SHMT2: variants seen among roughly 807,000 people sequenced by gnomAD.
SHMT2 encodes serine hydroxymethyltransferase 2, also known as serine hydroxymethyltransferase, mitochondrial.
In SHMT2, 38 loss-of-function variants were observed where a neutral mutation model predicts 59.6. The observed-to-expected ratio is 0.64, with a 90% CI of 0.49 to 0.84. The LOEUF is 0.84. SHMT2 is among the 40% of genes least tolerant of loss of function. The pLI is 0.00. For synonymous variants in SHMT2, 254 were observed against 258.1 expected, an observed-to-expected ratio of 0.98 and a Z score of 0.15; for missense variants, 533 against 659.5, an observed-to-expected ratio of 0.81 and a Z score of 2.10.
In SHMT2 at chr12:57,231,528, C is replaced by A. The variant is rs1261909751; in HGVS notation, c.279C>A (p.Asn93Lys). ...TGGAGGCCCTGGGGTCCTGTCTGAA[C>A]AACAAGTACTCGGAGGGTTATCCTG... ...AALEALGSCLNNKYSEGYPGK... is the reference protein window; with the variant it reads ...AALEALGSCLKNKYSEGYPGK... Residue 93 changes from asparagine to lysine, a missense_variant, in exon 3 of 12, where the codon AAC (asparagine) becomes AAA (lysine). Asn to Lys is a moderately conservative substitution (Grantham distance 94). Coordinates refer to ENST00000328923, the MANE Select transcript of SHMT2 (RefSeq NM_005412.6). The A allele has an allele frequency of 6.2e-7, 1 of 1,614,238 alleles. No individual in the cohort carries two copies. Among genetic ancestry groups the A allele is most frequent in the South Asian group, 1.1e-5 (1 of 91,088 alleles).
At chr12:57,232,334 G>A (rs1228519811) in intron 5 of SHMT2, 42 bp downstream of exon 5, 1 of 1,612,076 alleles carries the variant, frequency 6.2e-7, no homozygotes, top group Non-Finnish European at 8.5e-7. Context: ...TGGCCCTGGT[G>A]GTGGTCCTCC....
chr12:57,233,369 G>T, intron 8 of SHMT2, 24 bp downstream of exon 8: 1 of 1,570,960 alleles, frequency 6.4e-7, no homozygotes, highest in Admixed American at 1.9e-5. Flanking sequence ...TCTTTGTAGG[G>T]TGTGGGGGGG....
rs2037288592 is a variant in SHMT2 at position 57,230,916 on chromosome 12, G to A, written c.147G>A (p.Leu49=). ...GGGGCTGGACAGGCCAGGAGAGCCT[G>A]TCGGACAGTGATCCTGAGATGTGGG... ...ANRGWTGQES[L]SDSDPEMWEL... is the part of the protein sequence containing the mutation. Residue 49 remains leucine, a synonymous_variant, in exon 2 of 12, where the codon CTG becomes CTA. Transcript: ENST00000328923. The A allele has an allele frequency of 6.2e-7, 1 of 1,614,136 alleles. No individual in the cohort carries two copies. The highest frequency in any genetic ancestry group is 8.5e-7 in the Non-Finnish European group (1 of 1,180,026).
At chr12:57,230,298 A>G (rs920352176) in intron 1 of SHMT2, 5 of 1,152,388 alleles carry the variant, frequency 4.3e-6, no homozygotes, top group Non-Finnish European at 5.4e-6. Context: ...GCAGATCCCC[A>G]CCCCCACCAC....
At chr12:57,234,161 G>A (rs2037456066) in intron 11 of SHMT2, 51 bp downstream of exon 11, 6 of 1,613,488 alleles carry the variant, frequency 3.7e-6, no homozygotes, top group Non-Finnish European at 5.1e-6. Flanking sequence ...CTCACTGTCT[G>A]CTCCCTCCCC....
At chr12:57,230,120 G>C in intron 1 of SHMT2, 2 of 1,333,532 alleles carry the variant, frequency 1.5e-6, no homozygotes, top group South Asian at 3.0e-5. Context: ...CGGAGTTTTC[G>C]GCCTGGTCTC....
At chr12:57,230,156 C>G (rs1435524095) in intron 1 of SHMT2, 15 of 1,312,448 alleles carry the variant, frequency 1.1e-5, no homozygotes, top group Non-Finnish European at 1.4e-5. Context: ...CCGGCCAGCT[C>G]TGAGCCCTGC....
rs373054479 is a variant in SHMT2, at chr12:57,232,274, T to A, written c.576T>A (p.Ser192=). The A allele has an allele frequency of 8.1e-6, 13 of 1,614,130 alleles. No individual in the cohort carries two copies. In the South Asian group the frequency reaches 1.4e-4, roughly 18 times the overall value. The change falls in exon 5 of 12, where the codon TCT becomes TCA. Residue 192 remains serine (S), a synonymous_variant. Coordinates refer to ENST00000328923, the MANE Select transcript of SHMT2 (RefSeq NM_005412.6). Reference sequence around the variant, plus strand: ...CAGCCACGTCCATCTTCTTCGAGTCTATGCCCTATAAGCTCAACGTGAGTG... The same window carrying A: ...CAGCCACGTCCATCTTCTTCGAGTCAATGCCCTATAAGCTCAACGTGAGTG... ...RISATSIFFE[S]MPYKLNPKTG...
intron 5 of SHMT2, 70 bp from the exon 6 acceptor site, chr12:57,232,383 T>C: frequency 6.2e-7 from 1 of 1,613,534 alleles, no homozygotes; most frequent in Non-Finnish European, 8.5e-7. Flanking sequence ...GGGCCGTCCT[T>C]AGGGTTAAGG....
rs1245688058 is a variant in SHMT2 at position 57,233,890 on chromosome 12, G to A, written c.1265G>A (p.Gly422Asp). 2 of 1,614,090 alleles carry A rather than the reference G, an allele frequency of 1.2e-6. No individual in the cohort carries two copies. Among genetic ancestry groups the A allele is most frequent in the Non-Finnish European group, 1.7e-6 (2 of 1,180,054 alleles). ...CPGDRSAITP[G>D]GLRLGAPALT... ...GGAGACCGAAGTGCCATCACACCGG[G>A]CGGCCTGCGGCTTGGTGAGACCTGG... The change falls in exon 10 of 12, where the codon GGC becomes GAC. Residue 422 changes from glycine to aspartate, a missense_variant. Transcript: ENST00000328923.
intron 1 of SHMT2, chr12:57,230,569 A>G (rs915733276): frequency 1.4e-6 from 2 of 1,396,880 alleles, no homozygotes; most frequent in Admixed American, 6.0e-5. Context: ...AGGTGGTGGG[A>G]GATTTCTGAG....
rs183592454 is a variant in SHMT2, at chr12:57,230,913, C to G, written c.144C>G (p.Ser48Arg). 4.0e-5 allele frequency: 65 copies of G among 1,614,042 alleles called. No individual in the cohort carries two copies. The East Asian group carries it at 1.4e-3, about 36-fold the overall frequency. ...ACAGGGGCTGGACAGGCCAGGAGAG[C>G]CTGTCGGACAGTGATCCTGAGATGT... is the stretch of plus-strand genomic sequence containing the variant. Reference protein sequence around the residue: ...EANRGWTGQESLSDSDPEMWE... With the variant: ...EANRGWTGQERLSDSDPEMWE... The change falls in exon 2 of 12, where the codon AGC becomes AGG. Residue 48 changes from serine (S) to arginine (R), a missense_variant. Transcript: ENST00000328923.
rs760854682 is a variant in SHMT2, at chr12:57,229,759, C to T, written c.-20C>T. 1 of 1,614,124 alleles carries T rather than the reference C, an allele frequency of 6.2e-7. No individual in the cohort carries two copies. Among genetic ancestry groups the T allele is most frequent in the Non-Finnish European group, 8.5e-7 (1 of 1,179,936 alleles). ...TAGACCAGAGTTGGTGGCTGGACCT[C>T]CTGCGACTTCCGAGTTGCGATGCTG... On this transcript the variant is annotated 5_prime_UTR_variant, in exon 1 of 12. Transcript: ENST00000328923.
chr12:57,231,961 G>C (rs1347427068), intron 4 of SHMT2, 48 bp downstream of exon 4: 1 of 1,552,768 alleles, frequency 6.4e-7, no homozygotes, highest in Non-Finnish European at 8.7e-7. Context: ...GGATTGGTGT[G>C]GGAAAGGAGT....
rs1361207010 is a variant in SHMT2, at chr12:57,231,465, C to T, written c.232-16C>T. On this transcript the variant is annotated splice_polypyrimidine_tract_variant and intron_variant, in intron 2 of 11. Coordinates refer to ENST00000328923, the MANE Select transcript of SHMT2 (RefSeq NM_005412.6). Reference sequence around the variant, plus strand: ...AGGGGCTCAATACCTTCTGACATTGCCCCCCACCACCCCAGAACTTCTGCA... The same window carrying T: ...AGGGGCTCAATACCTTCTGACATTGTCCCCCACCACCCCAGAACTTCTGCA... 1.2e-6 allele frequency: 2 copies of T among 1,611,892 alleles called. No homozygotes were observed. The highest frequency in any genetic ancestry group is 1.7e-6 in the Non-Finnish European group (2 of 1,178,752).
chr12:57,233,996 G>A lies in SHMT2; in HGVS notation c.1280-7G>A, dbSNP rs376877128. On this transcript the variant is annotated splice_region_variant and splice_polypyrimidine_tract_variant and intron_variant, in intron 10 of 11. Coordinates refer to ENST00000328923, the MANE Select transcript of SHMT2 (RefSeq NM_005412.6). ...ATGCTCATCCCTCCCCTTGTGCCTC[G>A]TTCCAGGGGCCCCAGCCTTAACTTC... 9.4e-5 allele frequency: 151 copies of A among 1,614,182 alleles called. No individual in the cohort carries two copies. Among genetic ancestry groups the A allele is most frequent in the Middle Eastern group, 3.3e-4 (2 of 6,062 alleles).
Position 57,231,993 on chromosome 12 carries a change from G to A in SHMT2, c.512+80G>A, listed in dbSNP as rs551121455. 63 of 1,441,992 alleles carry A rather than the reference G, an allele frequency of 4.4e-5. No individual in the cohort carries two copies. In the African/African-American group the frequency reaches 5.8e-4, roughly 13 times the overall value. 89.3% of individuals were successfully genotyped at this position (1,441,992 alleles called of 1,614,324 possible). ...GAGTTATTTATTGAATACCTACTGTGGACCATACAGATGGAACAGGCCTTG... is the reference window on the plus strand; with the variant it reads ...GAGTTATTTATTGAATACCTACTGTAGACCATACAGATGGAACAGGCCTTG... On this transcript the variant is annotated intron_variant, in intron 4 of 11. Coordinates refer to ENST00000328923, the MANE Select transcript of SHMT2 (RefSeq NM_005412.6).
rs927311052 is a variant in SHMT2, at chr12:57,233,672, C to G, written c.1123+10C>G. On this transcript the variant is annotated intron_variant, in intron 9 of 11. Coordinates refer to ENST00000328923, the MANE Select transcript of SHMT2 (RefSeq NM_005412.6). ...TACTCACTGGTATCAGGTAAGCCAG[C>G]AGGTGATGGGTGAGGGCCTCTGTAG... The G allele has an allele frequency of 1.9e-6, 3 of 1,613,416 alleles. No individual in the cohort carries two copies. The highest frequency in any genetic ancestry group is 2.2e-5 in the East Asian group (1 of 44,886).
intron 4 of SHMT2, 145 bp downstream of exon 4, chr12:57,232,058 C>T (rs2037340933): frequency 8.7e-7 from 1 of 1,148,366 alleles, no homozygotes. Flanking sequence ...AAGATAAGAT[C>T]CCAGTTATAG....
Sources: gnomAD v4.1 joint callset for allele counts on GRCh38, gnomAD v4.1.1 for gene constraint, MANE v1.5 for transcripts, NCBI Gene and HGNC (gene_info 2026-07-23, HGNC 2026-07-21) for gene names.